Variants in SDC2 observed in about 807,000 individuals in gnomAD.
The protein encoded by SDC2 is syndecan 2, also known as syndecan-2.
Under a neutral mutation model 22.2 loss-of-function variants are expected in SDC2, and 13 were observed. That is an observed-to-expected ratio of 0.59 (90% CI 0.38 to 0.93). The LOEUF is 0.93. Ranked by LOEUF, SDC2 falls within the 40% of genes least tolerant of loss-of-function variation. The probability of loss-of-function intolerance (pLI) is 0.00; values close to 1 mark genes in which losing one functional copy is unlikely to be tolerated. For missense variants in SDC2, 235 were observed against 246.8 expected (o/e 0.95, Z 0.32); for synonymous variants, 94 against 92.8 (o/e 1.01, Z -0.07).
intron 1 of SDC2, among the ~76,000 whole-genome samples, chr8:96,503,608 A>G (rs188102016): frequency 9.2e-5 from 14 of 152,310 alleles, no homozygotes; most frequent in Non-Finnish European, 2.1e-4. Flanking sequence ...ATCAATATCA[A>G]TATCATTGTT....
chr8:96,589,751 G>A (rs888050014), intron 1 of SDC2, among the ~76,000 whole-genome samples: 6 of 152,176 alleles, frequency 3.9e-5, no homozygotes, highest in Non-Finnish European at 8.8e-5. Flanking sequence ...GTGGCAGGGA[G>A]CCAATAAAGG....
At chr8:96,496,761 C>G (rs1352412206) in intron 1 of SDC2, among the ~76,000 whole-genome samples, 1 of 152,126 alleles carries the variant, frequency 6.6e-6, no homozygotes, top group Non-Finnish European at 1.5e-5. Flanking sequence ...AAGTTTTATA[C>G]TTAGCTCTGG....
Position 96,602,823 on chromosome 8 carries a change from C to G in SDC2, c.306+295C>G, listed in dbSNP as rs187695510. ...ATATACAACTATTTTTCACATGGCC[C>G]TCCTTCTTAAGGAACGTCTGAAGCC... is the stretch of plus-strand genomic sequence containing the variant. On this transcript the variant is annotated intron_variant, in intron 3 of 4. Coordinates refer to ENST00000302190, the MANE Select transcript of SDC2 (RefSeq NM_002998.4). 2.0e-5 allele frequency among the ~76,000 whole-genome samples: 3 copies of G among 152,292 alleles called. No individual in the cohort carries two copies. In the East Asian group the frequency reaches 5.8e-4, roughly 29 times the overall value.
At chr8:96,585,485 C>T (rs1421895670) in intron 1 of SDC2, among the ~76,000 whole-genome samples, 1 of 152,084 alleles carries the variant, frequency 6.6e-6, no homozygotes, top group Admixed American at 6.5e-5. Context: ...AGTGTGTGTA[C>T]CCAGGGCTGC....
intron 1 of SDC2, among the ~76,000 whole-genome samples, chr8:96,554,905 C>T (rs1416982423): frequency 6.6e-6 from 1 of 152,166 alleles, no homozygotes; most frequent in African/African-American, 2.4e-5. Context: ...GGCCCAGCTC[C>T]TCCCTCCAGG....
intron 1 of SDC2, among the ~76,000 whole-genome samples, chr8:96,509,139 G>C (rs1483385790): frequency 1.4e-5 from 2 of 142,114 alleles, no homozygotes; most frequent in Non-Finnish European, 1.6e-5. Flanking sequence ...TTCTGGACTT[G>C]GGCAGGTGAT....
chr8:96,584,790 A>G lies in SDC2; in HGVS notation c.61-8690A>G, dbSNP rs900817291. On this transcript the variant is annotated intron_variant, in intron 1 of 4. Transcript: ENST00000302190. ...TCGCTTCTCTCTGTTTGATATTCCAAAAAAGGAAGAAAGCTCAATGCGGAG... is the reference window on the plus strand; with the variant it reads ...TCGCTTCTCTCTGTTTGATATTCCAGAAAAGGAAGAAAGCTCAATGCGGAG... 2.6e-5 allele frequency among the ~76,000 whole-genome samples: 4 copies of G among 152,238 alleles called. No individual in the cohort carries two copies. The South Asian group carries it at 6.2e-4, about 24-fold the overall frequency.
rs188023702 is a variant in SDC2, at chr8:96,534,628, G to A, written c.60+40297G>A. On this transcript the variant is annotated intron_variant, in intron 1 of 4. Transcript: ENST00000302190. ...TTTTTTTTATTTTTTGTAGAGACGA[G>A]GGCTCGTCATGTTGCCCAGGCTGAT... Among the ~76,000 whole-genome samples, 451 of 152,026 alleles carry A rather than the reference G, an allele frequency of 3.0e-3. 4 individuals carry two copies. Among genetic ancestry groups the A allele is most frequent in the African/African-American group, 9.9e-3 (410 of 41,474 alleles).
chr8:96,525,461 C>T (rs1469203980), intron 1 of SDC2, among the ~76,000 whole-genome samples: 1 of 152,204 alleles, frequency 6.6e-6, no homozygotes, highest in African/African-American at 2.4e-5. Flanking sequence ...AGTGAGGCTG[C>T]ACCCCATCCT....
At chr8:96,573,290 T>C (rs1814427743) in intron 1 of SDC2, among the ~76,000 whole-genome samples, 1 of 152,226 alleles carries the variant, frequency 6.6e-6, no homozygotes, top group African/African-American at 2.4e-5. Context: ...TTCGCAGACC[T>C]CCCAACAACA....
At chr8:96,575,284 C>T (rs567785595) in intron 1 of SDC2, among the ~76,000 whole-genome samples, 2 of 149,172 alleles carry the variant, frequency 1.3e-5, no homozygotes, top group Admixed American at 6.9e-5. Flanking sequence ...ACACAGGTAA[C>T]GAATGAAAAA....
chr8:96,602,574 T>C, intron 3 of SDC2, 46 bp downstream of exon 3: 1 of 1,604,246 alleles, frequency 6.2e-7, no homozygotes, highest in Non-Finnish European at 8.5e-7. Flanking sequence ...TTATTACAAA[T>C]GCTTCACTTT....
chr8:96,527,264 C>T (rs1185444333), intron 1 of SDC2, among the ~76,000 whole-genome samples: 1 of 152,108 alleles, frequency 6.6e-6, no homozygotes, highest in Non-Finnish European at 1.5e-5. Context: ...CCCTATTTTG[C>T]TATAGGGGAA....
intron 1 of SDC2, among the ~76,000 whole-genome samples, chr8:96,546,181 C>CA (rs1813929245): frequency 6.6e-6 from 1 of 152,176 alleles, no homozygotes; most frequent in Non-Finnish European, 1.5e-5. Flanking sequence ...CACAGGTATC[C>CA]AAAGTAGCCT....
Position 96,494,285 on chromosome 8 carries a change from G to C in SDC2, c.14G>C (p.Trp5Ser), listed in dbSNP as rs1337152904. The C allele has an allele frequency of 1.2e-5, 18 of 1,547,050 alleles. No homozygotes were observed. The highest frequency in any genetic ancestry group is 1.6e-5 in the Non-Finnish European group (18 of 1,149,758). Residue 5 changes from tryptophan (W) to serine (S), a missense_variant, in exon 1 of 5, where the codon TGG becomes TCG. Coordinates refer to ENST00000302190, the MANE Select transcript of SDC2 (RefSeq NM_002998.4). ...TCCCTGGGGAATATGCGGCGCGCGT[G>C]GATCCTGCTCACCTTGGGCTTGGTG... MRRA[W>S]ILLTLGLVAC...
chr8:96,574,716 G>C (rs1455593563), intron 1 of SDC2, among the ~76,000 whole-genome samples: 3 of 152,100 alleles, frequency 2.0e-5, no homozygotes, highest in Non-Finnish European at 4.4e-5. Context: ...TCTTACTGTT[G>C]TTCTGTGAAA....
rs1813006406 is a variant in SDC2 at position 96,494,115 on chromosome 8, C to CCTCCGAG, written c.-156_-155insTCCGAGC. On this transcript the variant is annotated 5_prime_UTR_variant, in exon 1 of 5. Coordinates refer to ENST00000302190, the MANE Select transcript of SDC2 (RefSeq NM_002998.4). ...CAGGCGCAGGAGGAGGAAGCGAGCG[C>CCTCCGAG]CCCCGAGCCCCGAGCCCGAGTCCCC... is the stretch of plus-strand genomic sequence containing the variant. The CCTCCGAG allele has an allele frequency of 1.5e-6, 1 of 675,772 alleles. No individual in the cohort carries two copies. Among genetic ancestry groups the CCTCCGAG allele is most frequent in the South Asian group, 2.0e-5 (1 of 49,490 alleles). 41.9% of individuals were successfully genotyped at this position (675,772 alleles called of 1,614,324 possible).
intron 1 of SDC2, among the ~76,000 whole-genome samples, chr8:96,516,380 CTACT>C (rs1385032625): frequency 6.6e-6 from 1 of 152,082 alleles, no homozygotes; most frequent in Non-Finnish European, 1.5e-5. Context: ...ATATTTTATG[CTACT>C]TAGAGTTGTA....
chr8:96,552,260 C>T (rs1052250030), intron 1 of SDC2, among the ~76,000 whole-genome samples: 1 of 152,180 alleles, frequency 6.6e-6, no homozygotes, highest in African/African-American at 2.4e-5. Flanking sequence ...CTCTGAGCTC[C>T]ATCTTGGGAC....
Sources: allele counts gnomAD v4.1 joint callset (sites outside exome capture counted in the v4.1 genomes callset), GRCh38; gene constraint gnomAD v4.1.1; transcripts MANE v1.5; gene names NCBI Gene and HGNC (gene_info 2026-07-23, HGNC 2026-07-21).